NCS1: variants seen among roughly 807,000 people sequenced by gnomAD.
NCS1 encodes frequenin homolog.
A neutral mutation model predicts 28.4 loss-of-function variants in NCS1; 6 were observed. The ratio of observed to expected loss-of-function variants is 0.21; its 90% CI spans 0.12 to 0.42. The LOEUF (loss-of-function observed/expected upper bound fraction) is 0.42, where lower values mean the gene tolerates loss of function less well. Ranked by LOEUF, NCS1 falls within the 10% of genes least tolerant of loss-of-function variation. NCS1 has a pLI of 1.00. For missense variants in NCS1, 131 were observed against 241.4 expected (o/e 0.54, Z 3.03); for synonymous variants, 86 against 99.3 (o/e 0.87, Z 0.79).
At position 130,195,394 on chromosome 9, in the gene NCS1, C is replaced by T. The variant is rs1163363855; in HGVS notation, c.65-5564C>T. ...GCTTCCCAAGGGGCCAAGGCAGGGT[C>T]GGGAGGGCCTCCTAGAAGAGGGCCA... On this transcript the variant is annotated intron_variant, in intron 1 of 7. Transcript: ENST00000372398. 4.6e-5 allele frequency among the ~76,000 whole-genome samples: 7 copies of T among 151,308 alleles called. No homozygotes were observed. In the East Asian group the frequency reaches 9.7e-4, roughly 21 times the overall value.
chr9:130,210,199 G>C (rs1432957490), intron 2 of NCS1, among the ~76,000 whole-genome samples: 2 of 152,070 alleles, frequency 1.3e-5, no homozygotes, highest in South Asian at 2.1e-4. Context: ...AGGAGTTCAA[G>C]ACCAGTCTGG....
In NCS1 at chr9:130,216,509, G is replaced by A. The variant is rs1224764427; in HGVS notation, c.90-1323G>A. Among the ~76,000 whole-genome samples, 6 of 152,112 alleles carry A rather than the reference G, an allele frequency of 3.9e-5. No homozygotes were observed. The East Asian group carries it at 1.2e-3, about 29-fold the overall frequency. ...GGCGGGCAGATCTCCTGAGGTCAGGGGTTCGACACCAGCCTGGCCAACATG... is the reference window on the plus strand; with the variant it reads ...GGCGGGCAGATCTCCTGAGGTCAGGAGTTCGACACCAGCCTGGCCAACATG... On this transcript the variant is annotated intron_variant, in intron 2 of 7. Coordinates refer to ENST00000372398, the MANE Select transcript of NCS1 (RefSeq NM_014286.4).
rs926387508 is a variant in NCS1 at position 130,191,168 on chromosome 9, G to A, written c.65-9790G>A. Among the ~76,000 whole-genome samples, 3 of 152,198 alleles carry A rather than the reference G, an allele frequency of 2.0e-5. No homozygotes were observed. The highest frequency in any genetic ancestry group is 4.8e-5 in the African/African-American group (2 of 41,448). ...AGCACGCTGACCCAGGCCACGTGGCGACTGGATAGTTGGTAGACCCATCTG... is the reference window on the plus strand; with the variant it reads ...AGCACGCTGACCCAGGCCACGTGGCAACTGGATAGTTGGTAGACCCATCTG... On this transcript the variant is annotated intron_variant, in intron 1 of 7. Coordinates refer to ENST00000372398, the MANE Select transcript of NCS1 (RefSeq NM_014286.4). The surrounding 1 kb of genome is among the most constrained non-coding windows in gnomAD (Gnocchi z 6.4).
rs1459598629 is a variant in NCS1 at position 130,177,487 on chromosome 9, C to T, written c.64+4760C>T. On this transcript the variant is annotated intron_variant, in intron 1 of 7. Transcript: ENST00000372398. The surrounding 1 kb of genome is among the most constrained non-coding windows in gnomAD (Gnocchi z 4.4). ...AAGGACCAAAGCAAGGGAGGGGCTT[C>T]GGCCGTCCCTGTACATCCCGTGTGC... 4.6e-5 allele frequency among the ~76,000 whole-genome samples: 7 copies of T among 152,162 alleles called. No individual in the cohort carries two copies. The highest frequency in any genetic ancestry group is 1.2e-4 in the African/African-American group (5 of 41,428).
rs890273477 is a variant in NCS1, at chr9:130,233,251, T to A, written c.*279T>A. The A allele has an allele frequency of 6.6e-6, 1 of 152,230 alleles. No individual in the cohort carries two copies. The allele number at this position is 152,230 out of a possible 1,614,324, so 9.4% of individuals were successfully genotyped here. A position where few individuals can be genotyped will look rare whatever the true frequency, so the allele number is the denominator to read the frequency against. On this transcript the variant is annotated 3_prime_UTR_variant, in exon 8 of 8. Coordinates refer to ENST00000372398, the MANE Select transcript of NCS1 (RefSeq NM_014286.4). The surrounding 1 kb of genome is among the most constrained non-coding windows in gnomAD (Gnocchi z 4.8). ...CAGCCCTCTGCATAAACCAAGGACTTGGCTGCCTCGCAGGCAGCCTCCGTT... is the reference window on the plus strand; with the variant it reads ...CAGCCCTCTGCATAAACCAAGGACTAGGCTGCCTCGCAGGCAGCCTCCGTT...
In NCS1 at chr9:130,181,683, A is replaced by G. The variant is rs949446936; in HGVS notation, c.64+8956A>G. ...GGGGCCCCTGCTTGGTGGAGGTGCC[A>G]GGGAGCCGCCATGGAGGTGTGCAGG... On this transcript the variant is annotated intron_variant, in intron 1 of 7. Transcript: ENST00000372398. This position sits in a 1 kb window ranked among gnomAD's most constrained non-coding sequence, Gnocchi z 5.0. Among the ~76,000 whole-genome samples, 1 of 152,152 alleles carries G rather than the reference A, an allele frequency of 6.6e-6. No homozygotes were observed. The highest frequency in any genetic ancestry group is 6.5e-5 in the Admixed American group (1 of 15,270).
intron 2 of NCS1, among the ~76,000 whole-genome samples, chr9:130,201,223 A>G (rs1832943707): frequency 6.6e-6 from 1 of 152,074 alleles, no homozygotes; most frequent in African/African-American, 2.4e-5. Context: ...TTTGAGTTGC[A>G]TCTTTAGGGA....
At chr9:130,211,398 C>G (rs1833110193) in intron 2 of NCS1, among the ~76,000 whole-genome samples, 1 of 151,476 alleles carries the variant, frequency 6.6e-6, no homozygotes, top group Non-Finnish European at 1.5e-5. Flanking sequence ...TGCTGAGCAC[C>G]TTGAGTCGCC....
rs947168024 is a variant in NCS1 at position 130,219,349 on chromosome 9, C to T, written c.229-376C>T. On this transcript the variant is annotated intron_variant, in intron 3 of 7. Transcript: ENST00000372398. The surrounding 1 kb of genome is among the most constrained non-coding windows in gnomAD (Gnocchi z 5.7). ...TAAACAACCTGCAGCGGCCTTTCCT[C>T]TGCAAAAGCCCATGAGCCCACAGCT... Among the ~76,000 whole-genome samples, 2 of 152,188 alleles carry T rather than the reference C, an allele frequency of 1.3e-5. No homozygotes were observed. The highest frequency in any genetic ancestry group is 1.3e-4 in the Admixed American group (2 of 15,280).
At chr9:130,179,449 A>T (rs1554904957) in intron 1 of NCS1, among the ~76,000 whole-genome samples, 1 of 152,166 alleles carries the variant, frequency 6.6e-6, no homozygotes, top group African/African-American at 2.4e-5. Flanking sequence ...ACTGAGATGA[A>T]CATCTTTGTA....
At chr9:130,184,621 T>TTTTTTC (rs1417477366) in intron 1 of NCS1, among the ~76,000 whole-genome samples, 2 of 152,072 alleles carry the variant, frequency 1.3e-5, no homozygotes, top group Admixed American at 6.5e-5. Context: ...TTTTCTTTCT[T>TTTTTTC]TTTTTCTTTT....
chr9:130,185,691 C>A (rs1331516661), intron 1 of NCS1, among the ~76,000 whole-genome samples: 2 of 152,362 alleles, frequency 1.3e-5, no homozygotes, highest in African/African-American at 4.8e-5. Context: ...GGGGAAACAG[C>A]GAATGCTTTC....
intron 1 of NCS1, among the ~76,000 whole-genome samples, chr9:130,187,736 C>T (rs1554905796): frequency 6.6e-6 from 1 of 152,214 alleles, no homozygotes; most frequent in African/African-American, 2.4e-5. Context: ...TCGCACCTTC[C>T]CTGGGGTCTC....
chr9:130,223,384 C>T (rs1216450747), intron 6 of NCS1, among the ~76,000 whole-genome samples: 1 of 148,408 alleles, frequency 6.7e-6, no homozygotes, highest in Non-Finnish European at 1.5e-5. Context: ...AGTCCTTAGC[C>T]TTTTTTTTTT....
At chr9:130,199,383 G>A (rs979983990) in intron 1 of NCS1, among the ~76,000 whole-genome samples, 8 of 152,274 alleles carry the variant, frequency 5.3e-5, no homozygotes, top group Non-Finnish European at 7.4e-5. Context: ...GTGAGCCACC[G>A]TGCCTGACCT....
chr9:130,174,790 C>CAAAAA (rs34473694), intron 1 of NCS1, among the ~76,000 whole-genome samples: 8 of 91,580 alleles, frequency 8.7e-5, no homozygotes, highest in African/African-American at 4.1e-4. Flanking sequence ...ACTCTGTCTC[C>CAAAAA]AAAAAAAAAA....
rs533886462 is a variant in NCS1 at position 130,195,719 on chromosome 9, C to T, written c.65-5239C>T. 5.0e-4 allele frequency among the ~76,000 whole-genome samples: 76 copies of T among 152,346 alleles called. No individual in the cohort carries two copies. The South Asian group carries it at 0.015, about 29-fold the overall frequency. On this transcript the variant is annotated intron_variant, in intron 1 of 7. Transcript: ENST00000372398. The stretch of plus-strand genomic sequence containing the variant: ...GATTACGGGCATGAGCCACCGCGCT[C>T]GGGCGCAGCTAGGCTTTGAAAGATG...
Position 130,215,555 on chromosome 9 carries a change from GGA to G in NCS1, c.90-2273_90-2272del, listed in dbSNP as rs1379488151. Among the ~76,000 whole-genome samples the G allele has an allele frequency of 6.6e-6, 1 of 152,190 alleles. No homozygotes were observed. The highest frequency in any genetic ancestry group is 2.4e-5 in the African/African-American group (1 of 41,452). On this transcript the variant is annotated intron_variant, in intron 2 of 7. Transcript: ENST00000372398. This position sits in a 1 kb window ranked among gnomAD's most constrained non-coding sequence, Gnocchi z 4.2. ...ACACTGGCCGGCAGGGCAGAGGACA[GGA>G]GAGGCAGGGCGGGCTCCGAGTCTCA...
At chr9:130,193,625 G>A (rs913939794) in intron 1 of NCS1, among the ~76,000 whole-genome samples, 1 of 152,018 alleles carries the variant, frequency 6.6e-6, no homozygotes, top group Non-Finnish European at 1.5e-5. Context: ...GAGCTTGGAC[G>A]GGGGTGGGGG....
Sources: allele counts gnomAD v4.1 joint callset (sites outside exome capture counted in the v4.1 genomes callset), GRCh38; gene constraint gnomAD v4.1.1; non-coding constraint Gnocchi (gnomAD v3.1); transcripts MANE v1.5; gene names NCBI Gene and HGNC (gene_info 2026-07-23, HGNC 2026-07-21).